HACD2: variants seen among roughly 807,000 people sequenced by gnomAD.
HACD2 encodes very-long-chain (3R)-3-hydroxyacyl-CoA dehydratase 2.
In HACD2, 15 loss-of-function variants were observed where a neutral mutation model predicts 31.0. The observed-to-expected ratio is 0.48, with a 90% CI of 0.32 to 0.75. The LOEUF is 0.75. Ranked by LOEUF, HACD2 falls within the 30% of genes least tolerant of loss-of-function variation. HACD2 has a pLI of 0.03. For synonymous variants in HACD2, 115 were observed against 122.2 expected (o/e 0.94, Z 0.39); for missense variants, 283 against 313.0 (o/e 0.90, Z 0.72).
At chr3:123,502,986 TG>T in intron 4 of HACD2, 1 of 277,270 alleles carries the variant, frequency 3.6e-6, no homozygotes, top group Non-Finnish European at 7.1e-6. Flanking sequence ...GAATGTGGAC[TG>T]ATGTCAGTGG....
intron 3 of HACD2, among the ~76,000 whole-genome samples, chr3:123,545,592 A>G (rs929074962): frequency 7.4e-5 from 11 of 148,928 alleles, no homozygotes; most frequent in African/African-American, 2.7e-4. Flanking sequence ...AATAGTCACC[A>G]TATTGCCAAT....
At position 123,584,968 on chromosome 3, in the gene HACD2, G is replaced by A. The variant is rs1350797990; in HGVS notation, c.60C>T (p.Ala20=). The A allele has an allele frequency of 3.3e-6, 5 of 1,523,404 alleles. No individual in the cohort carries two copies. The South Asian group carries it at 4.9e-5, about 15-fold the overall frequency. 94.4% of individuals were successfully genotyped at this position (1,523,404 alleles called of 1,614,324 possible). A position where few individuals can be genotyped will look rare whatever the true frequency, so the allele number is the denominator to read the frequency against. Residue 20 remains alanine, a synonymous_variant, in exon 1 of 7, where the codon GCC becomes GCT. Transcript: ENST00000383657. ...GCGTGCCGCTGGCGTCCCCGGCCCC[G>A]GCCCTGCCACCGCCGCCCCCATTCC... is the stretch of plus-strand genomic sequence containing the variant. ...AKGNGGGGGR[A]GAGDASGTRK...
At chr3:123,574,217 T>A (rs758665604) in intron 2 of HACD2, among the ~76,000 whole-genome samples, 1 of 152,266 alleles carries the variant, frequency 6.6e-6, no homozygotes, top group Non-Finnish European at 1.5e-5. Context: ...TTCTTGCTAC[T>A]GACAAACTGT....
intron 3 of HACD2, among the ~76,000 whole-genome samples, chr3:123,532,490 A>G (rs935140499): frequency 6.6e-6 from 1 of 152,192 alleles, no homozygotes; most frequent in African/African-American, 2.4e-5. Flanking sequence ...CTCTGAACAG[A>G]GCTGGCATCA....
intron 3 of HACD2, among the ~76,000 whole-genome samples, chr3:123,543,088 G>A (rs965088211): frequency 6.6e-6 from 1 of 152,180 alleles, no homozygotes; most frequent in Non-Finnish European, 1.5e-5. Flanking sequence ...ACAGAGGGCT[G>A]TATAAAGCAA....
chr3:123,522,474 T>G (rs1057276732), intron 4 of HACD2, among the ~76,000 whole-genome samples: 1 of 151,918 alleles, frequency 6.6e-6, no homozygotes, highest in African/African-American at 2.4e-5. Context: ...AGAAAAACAC[T>G]GAGAGAAAAA....
At chr3:123,527,834 TA>T (rs2056303386) in intron 4 of HACD2, among the ~76,000 whole-genome samples, 1 of 152,188 alleles carries the variant, frequency 6.6e-6, no homozygotes, top group South Asian at 2.1e-4. Context: ...CATTTGCGGG[TA>T]GAAGGCATAA....
chr3:123,555,327 T>A (rs566687487), intron 3 of HACD2, among the ~76,000 whole-genome samples: 1 of 152,130 alleles, frequency 6.6e-6, no homozygotes, highest in Non-Finnish European at 1.5e-5. Flanking sequence ...ATTATCTATA[T>A]AGAAGATCTC....
intron 4 of HACD2, among the ~76,000 whole-genome samples, chr3:123,522,335 A>AC (rs911571401): frequency 6.8e-6 from 1 of 147,002 alleles, no homozygotes; most frequent in Non-Finnish European, 1.5e-5. Context: ...CTCCAAACAA[A>AC]AAAAAAAAAA....
At chr3:123,548,579 C>G (rs2056585498) in intron 3 of HACD2, among the ~76,000 whole-genome samples, 1 of 152,200 alleles carries the variant, frequency 6.6e-6, no homozygotes, top group South Asian at 2.1e-4. Flanking sequence ...ACTACTACTA[C>G]TATCCAAAAA....
At chr3:123,518,613 ATTC>A (rs1328786390) in intron 4 of HACD2, among the ~76,000 whole-genome samples, 1 of 152,208 alleles carries the variant, frequency 6.6e-6, no homozygotes, top group Non-Finnish European at 1.5e-5. Context: ...TTGGCCAAAG[ATTC>A]TTTAAACCTG....
At chr3:123,513,844 G>A (rs529089495) in intron 4 of HACD2, among the ~76,000 whole-genome samples, 2 of 152,270 alleles carry the variant, frequency 1.3e-5, no homozygotes, top group South Asian at 2.1e-4. Flanking sequence ...TTGTATCAAG[G>A]CTGATTTCCC....
At chr3:123,497,526 G>A (rs767735288) in intron 6 of HACD2, among the ~76,000 whole-genome samples, 9 of 152,146 alleles carry the variant, frequency 5.9e-5, no homozygotes, top group African/African-American at 2.2e-4. Flanking sequence ...AAAATCAGAG[G>A]TGTGGTTACA....
intron 4 of HACD2, among the ~76,000 whole-genome samples, chr3:123,517,381 C>A (rs1019387368): frequency 2.0e-5 from 3 of 152,206 alleles, no homozygotes; most frequent in African/African-American, 7.2e-5. Flanking sequence ...GTGTTACTAA[C>A]TGAAAAGCTT....
chr3:123,546,145 C>G (rs893213983), intron 3 of HACD2, among the ~76,000 whole-genome samples: 3 of 152,112 alleles, frequency 2.0e-5, no homozygotes, highest in Non-Finnish European at 4.4e-5. Context: ...AGATTTATGA[C>G]CACGTATATT....
intron 3 of HACD2, among the ~76,000 whole-genome samples, chr3:123,555,704 C>G (rs1380632501): frequency 6.6e-6 from 1 of 152,116 alleles, no homozygotes; most frequent in Non-Finnish European, 1.5e-5. Flanking sequence ...TCCCAGGAAG[C>G]TATTTTGTAG....
chr3:123,522,840 G>A (rs370810910), intron 4 of HACD2, among the ~76,000 whole-genome samples: 2 of 152,160 alleles, frequency 1.3e-5, no homozygotes, highest in African/African-American at 4.8e-5. Flanking sequence ...TCTGCTAACT[G>A]AGCTGCAGTG....
At chr3:123,570,414 C>A (rs1368535537) in intron 2 of HACD2, among the ~76,000 whole-genome samples, 1 of 151,894 alleles carries the variant, frequency 6.6e-6, no homozygotes, top group African/African-American at 2.4e-5. Context: ...CCACTGTGGA[C>A]AAGCACAGGA....
intron 3 of HACD2, among the ~76,000 whole-genome samples, chr3:123,547,222 TCCAC>T (rs2056570213): frequency 6.6e-6 from 1 of 152,172 alleles, no homozygotes; most frequent in Admixed American, 6.5e-5. Context: ...TACGCCTTCC[TCCAC>T]ACAGATTATT....
Sources: allele counts gnomAD v4.1 joint callset (sites outside exome capture counted in the v4.1 genomes callset), GRCh38; gene constraint gnomAD v4.1.1; transcripts MANE v1.5; gene names NCBI Gene and HGNC (gene_info 2026-07-23, HGNC 2026-07-21).